The following COL5A2 variants were observed in gnomAD, a reference collection of about 807,000 sequenced individuals.
The protein encoded by COL5A2 is collagen alpha-2(V) chain.
In COL5A2, 23 loss-of-function variants were observed where a neutral mutation model predicts 208.2. The observed-to-expected ratio is 0.11, with a 90% CI of 0.08 to 0.16. The LOEUF is 0.16. Ranked by LOEUF, COL5A2 falls within the 10% of genes least tolerant of loss-of-function variation. The pLI is 1.00. For missense variants in COL5A2, 1,590 were observed against 1,956.4 expected (o/e 0.81, Z 3.53); for synonymous variants, 625 against 628.5 (o/e 0.99, Z 0.08).
chr2:189,128,467 A>C (rs1687649594), intron 1 of COL5A2, among the ~76,000 whole-genome samples: 1 of 151,928 alleles, frequency 6.6e-6, no homozygotes, highest in South Asian at 2.1e-4. Flanking sequence ...TGTATCCCTC[A>C]TATTGAAGAG....
the COL5A2 span, among the ~76,000 whole-genome samples, chr2:189,398,350 T>G: frequency 6.6e-6 from 1 of 152,182 alleles, no homozygotes; most frequent in African/African-American, 2.4e-5. Context: ...GCTCAATCTG[T>G]TACTTAGAAA....
chr2:189,088,344 G>T (rs903780415), intron 8 of COL5A2, among the ~76,000 whole-genome samples: 5 of 152,102 alleles, frequency 3.3e-5, no homozygotes, highest in African/African-American at 1.2e-4. Flanking sequence ...CCAAACCACT[G>T]TTTCTAAGAG....
chr2:189,085,035 T>C (rs957291493), intron 11 of COL5A2, 125 bp downstream of exon 11: 14 of 778,544 alleles, frequency 1.8e-5, no homozygotes, highest in African/African-American at 5.2e-5. Flanking sequence ...CCTGTTTACA[T>C]TGAATTTAAT....
chr2:189,056,702 A>G, intron 35 of COL5A2: 1 of 514,444 alleles, frequency 1.9e-6, no homozygotes, highest in South Asian at 2.2e-5. Flanking sequence ...AAATAAAAAG[A>G]TGATAGAGAA....
In COL5A2 at chr2:189,064,663, G is replaced by C; in HGVS notation, c.1618-8C>G. Reference sequence around the variant, plus strand: ...CCGTTCTCCTTGAGCACCCTGTACCGAGGCAAAGCAGATGCATGAAGAAAA... The same window carrying C: ...CCGTTCTCCTTGAGCACCCTGTACCCAGGCAAAGCAGATGCATGAAGAAAA... On this transcript the variant is annotated splice_polypyrimidine_tract_variant and splice_region_variant and intron_variant, in intron 24 of 53. Coordinates refer to ENST00000374866, the MANE Select transcript of COL5A2 (RefSeq NM_000393.5). 6.3e-7 allele frequency: 1 copy of C among 1,593,676 alleles called. No individual in the cohort carries two copies. Among genetic ancestry groups the C allele is most frequent in the Non-Finnish European group, 8.6e-7 (1 of 1,161,596 alleles).
the COL5A2 span, among the ~76,000 whole-genome samples, chr2:189,358,580 T>G: frequency 6.6e-6 from 1 of 152,166 alleles, no homozygotes; most frequent in East Asian, 1.9e-4. Flanking sequence ...TCCATATAAA[T>G]TTTAGGAATT....
chr2:189,053,838 A>G, intron 37 of COL5A2, 57 bp downstream of exon 37: 1 of 1,370,334 alleles, frequency 7.3e-7, no homozygotes, highest in Non-Finnish European at 1.0e-6. Flanking sequence ...AAACAAAATG[A>G]TTAATTGTTT....
chr2:189,127,362 G>A (rs1687627353), intron 1 of COL5A2, among the ~76,000 whole-genome samples: 1 of 151,938 alleles, frequency 6.6e-6, no homozygotes, highest in African/African-American at 2.4e-5. Context: ...AGAATGAGAA[G>A]AAATGGAGGA....
chr2:189,405,841 A>G, the COL5A2 span, among the ~76,000 whole-genome samples: 1 of 152,224 alleles, frequency 6.6e-6, no homozygotes, highest in East Asian at 1.9e-4. Flanking sequence ...GGTTCTTCTG[A>G]CAATGTGTAA....
chr2:189,163,492 T>C (rs1321249528), intron 1 of COL5A2, among the ~76,000 whole-genome samples: 1 of 152,218 alleles, frequency 6.6e-6, no homozygotes, highest in Non-Finnish European at 1.5e-5. Context: ...TATAACAGCA[T>C]CTAGGAACTT....
the COL5A2 span, among the ~76,000 whole-genome samples, chr2:189,423,491 A>C: frequency 1.6e-4 from 25 of 152,148 alleles, no homozygotes; most frequent in African/African-American, 5.3e-4. Flanking sequence ...AGCTAGACTA[A>C]GGAAAAAAGA....
the COL5A2 span, among the ~76,000 whole-genome samples, chr2:189,318,281 A>T: frequency 6.6e-6 from 1 of 152,136 alleles, no homozygotes; most frequent in Non-Finnish European, 1.5e-5. Context: ...AGGGGATAAA[A>T]AATACCAATT....
chr2:189,406,071 G>A, the COL5A2 span, among the ~76,000 whole-genome samples: 1 of 152,072 alleles, frequency 6.6e-6, no homozygotes, highest in South Asian at 2.1e-4. Flanking sequence ...TTCCCGAACA[G>A]TAATTAATTT....
chr2:189,347,156 G>A, the COL5A2 span, among the ~76,000 whole-genome samples: 1 of 152,198 alleles, frequency 6.6e-6, no homozygotes, highest in East Asian at 1.9e-4. Flanking sequence ...CAAAAAAGGA[G>A]GACACGTTGC....
intron 1 of COL5A2, among the ~76,000 whole-genome samples, chr2:189,177,377 A>T (rs1688696351): frequency 6.6e-6 from 1 of 152,242 alleles, no homozygotes; most frequent in Non-Finnish European, 1.5e-5. Flanking sequence ...GGAAAAAGAA[A>T]GTATTGCCAA....
chr2:189,136,065 G>T (rs1687820842), intron 1 of COL5A2, among the ~76,000 whole-genome samples: 1 of 152,178 alleles, frequency 6.6e-6, no homozygotes, highest in Non-Finnish European at 1.5e-5. Flanking sequence ...GATTGCGAGT[G>T]GGATGGGACT....
chr2:189,276,852 A>G, the COL5A2 span, among the ~76,000 whole-genome samples: 3 of 152,106 alleles, frequency 2.0e-5, no homozygotes, highest in African/African-American at 4.8e-5. Context: ...TCTTGGATAT[A>G]TTACTTAAAC....
At chr2:189,040,630 T>C (rs1685540602) in intron 50 of COL5A2, among the ~76,000 whole-genome samples, 1 of 152,182 alleles carries the variant, frequency 6.6e-6, no homozygotes, top group Admixed American at 6.5e-5. Flanking sequence ...GTGCCAATGT[T>C]TCCTCACTCT....
the COL5A2 span, among the ~76,000 whole-genome samples, chr2:189,239,304 C>G: frequency 6.6e-6 from 1 of 151,892 alleles, no homozygotes; most frequent in Non-Finnish European, 1.5e-5. Flanking sequence ...TTCCCAGGAA[C>G]CTGTTACCTT....
Sources: allele counts gnomAD v4.1 joint callset (sites outside exome capture counted in the v4.1 genomes callset), GRCh38; gene constraint gnomAD v4.1.1; transcripts MANE v1.5; gene names NCBI Gene and HGNC (gene_info 2026-07-23, HGNC 2026-07-21).